The following ANKS1B variants were observed in gnomAD, a reference collection of about 807,000 sequenced individuals.
ANKS1B encodes the protein ankyrin repeat and sterile alpha motif domain containing 1B, also known as ankyrin repeat and sterile alpha motif domain-containing protein 1B.
Under a neutral mutation model 148.3 loss-of-function variants are expected in ANKS1B, and 36 were observed. The ratio of observed to expected loss-of-function variants is 0.24; its 90% CI spans 0.19 to 0.32. The LOEUF is 0.32. Ranked by LOEUF, ANKS1B falls within the 10% of genes least tolerant of loss-of-function variation. The pLI is 1.00. For synonymous variants in ANKS1B, 542 were observed against 560.8 expected (o/e 0.97, Z 0.47); for missense variants, 1,157 against 1,542.6 (o/e 0.75, Z 4.19).
At chr12:99,105,563 T>C (rs2058989585) in intron 15 of ANKS1B, among the ~76,000 whole-genome samples, 2 of 98,480 alleles carry the variant, frequency 2.0e-5, no homozygotes, top group Non-Finnish European at 4.9e-5. Context: ...GGTCAGGAGA[T>C]TGAGACCATC....
Position 99,896,508 on chromosome 12 carries a change from CTT to C in ANKS1B, c.135-71121_135-71120del, listed in dbSNP as rs1466280701. On this transcript the variant is annotated intron_variant, in intron 1 of 26. Transcript: ENST00000683438. Reference sequence around the variant, plus strand: ...TTATCCATTCATCTATCAATGGACACTTGGGTTGTTTCATTATCTTGGATATT... The same window carrying C: ...TTATCCATTCATCTATCAATGGACACGGGTTGTTTCATTATCTTGGATATT... Among the ~76,000 whole-genome samples, 6 of 151,216 alleles carry C rather than the reference CTT, an allele frequency of 4.0e-5. 1 individual carries two copies. The highest frequency in any genetic ancestry group is 6.6e-5 in the Admixed American group (1 of 15,128).
chr12:99,357,683 C>T (rs2092128211), intron 12 of ANKS1B, among the ~76,000 whole-genome samples: 1 of 152,108 alleles, frequency 6.6e-6, no homozygotes, highest in African/African-American at 2.4e-5. Context: ...AACACAGTGT[C>T]TTGTCCATGG....
chr12:99,206,524 C>T (rs1326825328), intron 14 of ANKS1B, among the ~76,000 whole-genome samples: 1 of 152,060 alleles, frequency 6.6e-6, no homozygotes, highest in African/African-American at 2.4e-5. Context: ...TTACAGAAAT[C>T]AAGTGAAAAG....
intron 9 of ANKS1B, among the ~76,000 whole-genome samples, chr12:99,586,841 G>A (rs1411230544): frequency 6.6e-6 from 1 of 152,134 alleles, no homozygotes; most frequent in Non-Finnish European, 1.5e-5. Flanking sequence ...GATCTCCTGA[G>A]ACTTATTAAC....
At chr12:99,079,775 G>GT (rs2049016601) in intron 16 of ANKS1B, 1 of 152,018 alleles carries the variant, frequency 6.6e-6, no homozygotes, top group Non-Finnish European at 1.5e-5. Flanking sequence ...GAAACAGCTT[G>GT]TTATAATTCT....
chr12:99,601,726 A>C (rs1042810619), intron 9 of ANKS1B, among the ~76,000 whole-genome samples: 4 of 152,086 alleles, frequency 2.6e-5, no homozygotes, highest in Non-Finnish European at 5.9e-5. Context: ...GACAACTGTC[A>C]ATTTTTATAC....
chr12:99,660,696 A>T (rs1332814159), intron 8 of ANKS1B, among the ~76,000 whole-genome samples: 1 of 152,044 alleles, frequency 6.6e-6, no homozygotes, highest in Non-Finnish European at 1.5e-5. Context: ...GTTGTCTTTA[A>T]CCTGTTCACA....
At chr12:98,743,122 T>C (rs2097816243), downstream of ANKS1B, among the ~76,000 whole-genome samples, 1 of 152,218 alleles carries the variant, frequency 6.6e-6, no homozygotes. Context: ...TTAGGAGTGA[T>C]GCTACCTTGA....
intron 9 of ANKS1B, among the ~76,000 whole-genome samples, chr12:99,601,614 TAATAA>T (rs1448770884): frequency 2.0e-5 from 3 of 152,084 alleles, no homozygotes; most frequent in Non-Finnish European, 4.4e-5. Flanking sequence ...AACACTCTTA[TAATAA>T]AAGACAAGAT....
At chr12:99,965,230 G>A (rs541509318) in intron 1 of ANKS1B, among the ~76,000 whole-genome samples, 1 of 152,052 alleles carries the variant, frequency 6.6e-6, no homozygotes, top group Non-Finnish European at 1.5e-5. Context: ...AACATTTTAT[G>A]ATGCCAAAAG....
intron 17 of ANKS1B, among the ~76,000 whole-genome samples, chr12:98,944,092 G>T (rs938764344): frequency 1.3e-5 from 2 of 152,084 alleles, no homozygotes; most frequent in Non-Finnish European, 2.9e-5. Flanking sequence ...CTGAGGTCAG[G>T]AATTTGAGAC....
At chr12:99,172,295 C>T (rs1423572068) in intron 14 of ANKS1B, among the ~76,000 whole-genome samples, 1 of 152,116 alleles carries the variant, frequency 6.6e-6, no homozygotes, top group Non-Finnish European at 1.5e-5. Context: ...GAACTCTTTT[C>T]TTTCCTGAGA....
chr12:99,578,022 C>T (rs1387022250), intron 9 of ANKS1B, among the ~76,000 whole-genome samples: 1 of 151,958 alleles, frequency 6.6e-6, no homozygotes, highest in Non-Finnish European at 1.5e-5. Flanking sequence ...TTAATTCACC[C>T]CAATCAAGTA....
intron 4 of ANKS1B, among the ~76,000 whole-genome samples, chr12:99,782,340 A>G (rs1342099396): frequency 6.6e-6 from 1 of 152,188 alleles, no homozygotes; most frequent in Non-Finnish European, 1.5e-5. Flanking sequence ...CGGATGGATC[A>G]CCTGAGGTCA....
At chr12:99,559,088 C>T (rs143865652) in intron 9 of ANKS1B, among the ~76,000 whole-genome samples, 21 of 152,264 alleles carry the variant, frequency 1.4e-4, no homozygotes, top group Admixed American at 2.6e-4. Flanking sequence ...AGCTTCCTCC[C>T]GCTTCAGCCC....
At chr12:98,857,540 T>C (rs903149457) in intron 17 of ANKS1B, among the ~76,000 whole-genome samples, 1 of 151,532 alleles carries the variant, frequency 6.6e-6, no homozygotes, top group Admixed American at 6.6e-5. Flanking sequence ...GGGTGTTACT[T>C]GGATAAGTCT....
intron 15 of ANKS1B, among the ~76,000 whole-genome samples, chr12:99,131,831 C>T (rs996275297): frequency 6.6e-6 from 1 of 152,226 alleles, no homozygotes; most frequent in South Asian, 2.1e-4. Context: ...GCCGCCTACT[C>T]AGCCTCCTTC....
chr12:99,275,234 G>A (rs2077527337), intron 12 of ANKS1B, among the ~76,000 whole-genome samples: 1 of 151,904 alleles, frequency 6.6e-6, no homozygotes, highest in South Asian at 2.1e-4. Context: ...ATTTTAAAAT[G>A]TACGATAAAT....
chr12:99,357,482 T>C (rs1463732777), intron 12 of ANKS1B, among the ~76,000 whole-genome samples: 1 of 152,128 alleles, frequency 6.6e-6, no homozygotes, highest in East Asian at 1.9e-4. Flanking sequence ...TTCAGTAAGA[T>C]CATAGTACCT....
Sources: allele counts gnomAD v4.1 joint callset (sites outside exome capture counted in the v4.1 genomes callset), GRCh38; gene constraint gnomAD v4.1.1; transcripts MANE v1.5; gene names NCBI Gene and HGNC (gene_info 2026-07-23, HGNC 2026-07-21).